Variants in TENM2 observed in about 807,000 individuals in gnomAD.
The protein encoded by TENM2 is teneurin-2.
Under a neutral mutation model 245.2 loss-of-function variants are expected in TENM2, and 52 were observed. That is an observed-to-expected ratio of 0.21 (90% CI 0.17 to 0.27). TENM2 has a LOEUF of 0.27. Among genes scored for constraint, TENM2 ranks in the 10% least tolerant of loss-of-function variants. TENM2 has a pLI of 1.00. For missense variants in TENM2, 3,046 were observed against 3,666.8 expected (o/e 0.83, Z 4.37); for synonymous variants, 1,363 against 1,438.9 (o/e 0.95, Z 1.19).
At chr5:167,077,813 T>G in the TENM2 span, among the ~76,000 whole-genome samples, 1 of 151,818 alleles carries the variant, frequency 6.6e-6, no homozygotes, top group African/African-American at 2.4e-5. Flanking sequence ...AGGTAGCTCA[T>G]TTGGAAAACT....
At chr5:168,057,058 AATGTGTGTAAAAAAATCTATAT>A (rs1212780959) in intron 6 of TENM2, among the ~76,000 whole-genome samples, 1 of 152,132 alleles carries the variant, frequency 6.6e-6, no homozygotes, top group Non-Finnish European at 1.5e-5. Flanking sequence ...AGAGAGAAAG[AATGTGTGTAAAAAAATCTATAT>A]ATGTACATAT....
At chr5:167,593,647 C>A (rs752761427) in intron 2 of TENM2, among the ~76,000 whole-genome samples, 1 of 152,178 alleles carries the variant, frequency 6.6e-6, no homozygotes, top group African/African-American at 2.4e-5. Context: ...AAATATTTAT[C>A]CTTATCTTCA....
At chr5:167,289,371 C>G (rs769406988) in intron 1 of TENM2, among the ~76,000 whole-genome samples, 2 of 152,150 alleles carry the variant, frequency 1.3e-5, no homozygotes, top group African/African-American at 2.4e-5. Flanking sequence ...GTGCTTCTTT[C>G]CAGTTAGCAG....
At chr5:168,048,970 C>A (rs1406385171) in intron 6 of TENM2, among the ~76,000 whole-genome samples, 2 of 152,210 alleles carry the variant, frequency 1.3e-5, no homozygotes, top group African/African-American at 4.8e-5. Flanking sequence ...TCTGCCTTAA[C>A]TGACCAAAAA....
At chr5:168,062,214 C>A (rs543173851) in exon 7 of TENM2, 1 of 1,613,764 alleles carries the variant, frequency 6.2e-7, no homozygotes, top group South Asian at 1.1e-5. Flanking sequence ...TCGGGAAGGA[C>A]GCTCTCTTTG....
At chr5:167,323,327 C>T (rs1358384084) in intron 1 of TENM2, among the ~76,000 whole-genome samples, 1 of 152,102 alleles carries the variant, frequency 6.6e-6, no homozygotes, top group African/African-American at 2.4e-5. Flanking sequence ...GAACTGACAT[C>T]GTCCTAACTA....
At chr5:167,336,990 G>A (rs1442927589) in intron 1 of TENM2, among the ~76,000 whole-genome samples, 4 of 150,380 alleles carry the variant, frequency 2.7e-5, no homozygotes, top group Non-Finnish European at 5.9e-5. Context: ...GGTGGCGGGC[G>A]CCTGTAGTCC....
intron 3 of TENM2, among the ~76,000 whole-genome samples, chr5:167,945,071 G>A (rs1327189758): frequency 1.3e-5 from 2 of 152,166 alleles, no homozygotes; most frequent in African/African-American, 4.8e-5. Context: ...AATCTACTCT[G>A]ATCCCTGTCC....
At chr5:167,823,102 C>G (rs1013165944) in intron 2 of TENM2, among the ~76,000 whole-genome samples, 3 of 152,064 alleles carry the variant, frequency 2.0e-5, no homozygotes, top group African/African-American at 7.2e-5. Context: ...TTTTCTTAGT[C>G]TGGAAAATGT....
chr5:168,018,360 A>G (rs1785838437), intron 5 of TENM2, among the ~76,000 whole-genome samples: 1 of 150,884 alleles, frequency 6.6e-6, no homozygotes, highest in Non-Finnish European at 1.5e-5. Context: ...CATTTGCTTT[A>G]ACATGGTGTT....
At chr5:167,348,410 G>A (rs1210980928) in intron 1 of TENM2, among the ~76,000 whole-genome samples, 1 of 152,154 alleles carries the variant, frequency 6.6e-6, no homozygotes, top group African/African-American at 2.4e-5. Flanking sequence ...GCTTTCAGCT[G>A]TGGGCCATTG....
intron 27 of TENM2, among the ~76,000 whole-genome samples, chr5:168,249,453 G>GGTGTGTGTGTGTGTGTGTGT (rs3084277): frequency 4.8e-4 from 71 of 148,914 alleles, no homozygotes; most frequent in African/African-American, 7.3e-4. Flanking sequence ...GTTCTCTCAA[G>GGTGTGTGTGTGTGTGTGTGT]GTGTGTGTGT....
intron 1 of TENM2, among the ~76,000 whole-genome samples, chr5:167,335,253 A>T (rs1205358402): frequency 6.6e-6 from 1 of 152,162 alleles, no homozygotes; most frequent in Non-Finnish European, 1.5e-5. Flanking sequence ...CACACATTTT[A>T]AAATGACCAG....
At chr5:167,344,298 A>G (rs542730729) in intron 1 of TENM2, among the ~76,000 whole-genome samples, 7 of 113,626 alleles carry the variant, frequency 6.2e-5, no homozygotes, top group African/African-American at 2.6e-4. Flanking sequence ...ACACACACAC[A>G]CACACACACA....
chr5:167,799,737 T>C (rs1465831415), intron 2 of TENM2, among the ~76,000 whole-genome samples: 1 of 152,208 alleles, frequency 6.6e-6, no homozygotes, highest in Non-Finnish European at 1.5e-5. Flanking sequence ...AAGTTAGGTC[T>C]AAAAACCATT....
chr5:167,439,356 T>G (rs1372646840), intron 2 of TENM2, among the ~76,000 whole-genome samples: 1 of 152,158 alleles, frequency 6.6e-6, no homozygotes, highest in African/African-American at 2.4e-5. Context: ...GAATGGCGGG[T>G]TGCTTCCTAA....
chr5:168,238,658 G>T (rs917428533), intron 25 of TENM2, among the ~76,000 whole-genome samples: 1 of 152,146 alleles, frequency 6.6e-6, no homozygotes, highest in African/African-American at 2.4e-5. Flanking sequence ...GGCCCAGCAG[G>T]GCCGTTTTGA....
intron 2 of TENM2, among the ~76,000 whole-genome samples, chr5:167,695,098 C>T (rs1561679979): frequency 6.6e-6 from 1 of 152,188 alleles, no homozygotes; most frequent in Non-Finnish European, 1.5e-5. Flanking sequence ...AGTTTTTAGC[C>T]ATGCTTATTC....
At chr5:167,520,550 G>A (rs929490967) in intron 2 of TENM2, among the ~76,000 whole-genome samples, 1 of 152,096 alleles carries the variant, frequency 6.6e-6, no homozygotes, top group African/African-American at 2.4e-5. Context: ...GTTTAGAAAA[G>A]ATGAAAGAGA....
Sources: gnomAD v4.1 joint callset for allele counts (sites outside exome capture counted in the v4.1 genomes callset) on GRCh38, gnomAD v4.1.1 for gene constraint, MANE v1.5 for transcripts, NCBI Gene and HGNC (gene_info 2026-07-23, HGNC 2026-07-21) for gene names.